Variants in POLK observed in about 807,000 individuals in gnomAD.
POLK encodes the protein DNA polymerase kappa, also known as polymerase (DNA directed) kappa.
POLK carries 76 observed loss-of-function variants against 94.0 expected under a neutral mutation model. That is an observed-to-expected ratio of 0.81 (90% confidence interval 0.67 to 0.98). POLK has a LOEUF of 0.98. Among genes scored for constraint, POLK ranks in the 50% least tolerant of loss-of-function variants. The pLI is 0.00. For synonymous variants in POLK, 349 were observed against 325.4 expected (o/e 1.07, Z -0.78); for missense variants, 954 against 1,010.1 (o/e 0.94, Z 0.75).
In POLK at chr5:75,511,945, C is replaced by T. The variant is rs10060056; in HGVS notation, c.-14+31C>T. 6,211 of 878,246 alleles carry T rather than the reference C, an allele frequency of 7.1e-3. 32 individuals are homozygous for T. The highest frequency in any genetic ancestry group is 8.8e-3 in the South Asian group (495 of 56,556). The allele number at this position is 878,246 out of a possible 1,614,324, so 54.4% of individuals were successfully genotyped here. A position where few individuals can be genotyped will look rare whatever the true frequency, so the allele number is the denominator to read the frequency against. On this transcript the variant is annotated intron_variant, in intron 1 of 14. Transcript: ENST00000241436. Reference sequence around the variant, plus strand: ...TATCCCGCGCGGGGATCGCTTGTCCCCTTGGGGCCTTGTCAGTCGGTGGGT... The same window carrying T: ...TATCCCGCGCGGGGATCGCTTGTCCTCTTGGGGCCTTGTCAGTCGGTGGGT...
At chr5:75,524,762 C>T (rs1768750024) in intron 1 of POLK, among the ~76,000 whole-genome samples, 1 of 152,154 alleles carries the variant, frequency 6.6e-6, no homozygotes, top group South Asian at 2.1e-4. Context: ...CACAGTAAGG[C>T]ATAACTAATG....
chr5:75,512,549 G>A (rs1768096185), intron 1 of POLK: 1 of 152,122 alleles, frequency 6.6e-6, no homozygotes, highest in South Asian at 2.1e-4. Flanking sequence ...GAAGTGCAGT[G>A]GTTTTGTGTG....
At chr5:75,546,709 A>T (rs1446717056) in intron 1 of POLK, among the ~76,000 whole-genome samples, 1 of 141,056 alleles carries the variant, frequency 7.1e-6, no homozygotes, top group Non-Finnish European at 1.5e-5. Context: ...TCTGTCCCCC[A>T]GGCTGGAGTG....
exon 9 of POLK, chr5:75,584,802 C>A: frequency 1.9e-6 from 3 of 1,585,616 alleles, no homozygotes; most frequent in Non-Finnish European, 1.7e-6. Context: ...GTTAAAGGCC[C>A]TTGGAATTAT....
intron 3 of POLK, among the ~76,000 whole-genome samples, chr5:75,557,404 A>G (rs1455336652): frequency 6.6e-6 from 1 of 152,222 alleles, no homozygotes; most frequent in Non-Finnish European, 1.5e-5. Context: ...CATTGAGTGT[A>G]TAGATGAAGT....
chr5:75,544,210 T>G (rs1422400866), intron 1 of POLK, among the ~76,000 whole-genome samples: 2 of 152,184 alleles, frequency 1.3e-5, no homozygotes, highest in Non-Finnish European at 2.9e-5. Flanking sequence ...TCTTTTCCTT[T>G]TATACATTTC....
At chr5:75,552,659 C>A in intron 3 of POLK, 68 bp downstream of exon 3, 1 of 1,358,698 alleles carries the variant, frequency 7.4e-7, no homozygotes, top group South Asian at 1.4e-5. Context: ...AATGTATTGT[C>A]AAGTCATAAC....
intron 1 of POLK, among the ~76,000 whole-genome samples, chr5:75,519,687 T>C (rs1768480151): frequency 6.6e-6 from 1 of 152,242 alleles, no homozygotes; most frequent in Non-Finnish European, 1.5e-5. Flanking sequence ...TCTGATATGT[T>C]AGCTACTCCT....
intron 4 of POLK, among the ~76,000 whole-genome samples, chr5:75,572,637 A>T (rs1771653639): frequency 6.6e-6 from 1 of 152,174 alleles, no homozygotes; most frequent in Non-Finnish European, 1.5e-5. Context: ...AGTTGGTAGA[A>T]ATATAAGAAA....
At chr5:75,600,594 A>T (rs1773275147) in exon 15 of POLK, 2 of 152,160 alleles carry the variant, frequency 1.3e-5, no homozygotes, top group Non-Finnish European at 2.9e-5. Flanking sequence ...CAAGAAAAAA[A>T]TTTTTTAATG....
Position 75,559,523 on chromosome 5 carries a change from G to GTTT in POLK, c.255+6957_255+6959dup, listed in dbSNP as rs775525619. Among the ~76,000 whole-genome samples the GTTT allele has an allele frequency of 7.9e-4, 43 of 54,674 alleles. 7 individuals carry two copies. The highest frequency in any genetic ancestry group is 1.9e-3 in the African/African-American group (26 of 13,638). The allele number at this position is 54,674 out of a possible 152,430, so 35.9% of individuals were successfully genotyped here. On this transcript the variant is annotated intron_variant, in intron 3 of 14. Coordinates refer to ENST00000241436, the Ensembl canonical transcript of POLK. The stretch of plus-strand genomic sequence containing the variant: ...GGGGTTTGTTTTTTTGTTTTGTTTT[G>GTTT]TTTTTTTTTTTTTTTTTTTTTTTTT...
chr5:75,597,186 T>G lies in POLK; in HGVS notation c.2485+8T>G. The G allele has an allele frequency of 7.5e-7, 1 of 1,340,212 alleles. No individual in the cohort carries two copies. Among genetic ancestry groups the G allele is most frequent in the Non-Finnish European group, 1.1e-6 (1 of 942,134 alleles). 83.0% of individuals were successfully genotyped at this position (1,340,212 alleles called of 1,614,324 possible). A position where few individuals can be genotyped will look rare whatever the true frequency, so the allele number is the denominator to read the frequency against. ...AAAGCTCCAGAAGTACTGGTAAGTG[T>G]GTAATTGTTTTAAACTGCATGATTT... On this transcript the variant is annotated splice_region_variant and intron_variant, in intron 13 of 14. Transcript: ENST00000241436.
Position 75,529,776 on chromosome 5 carries a change from T to C in POLK, c.-13-17234T>C, listed in dbSNP as rs1769059393. Among the ~76,000 whole-genome samples, 5 of 152,092 alleles carry C rather than the reference T, an allele frequency of 3.3e-5. No individual in the cohort carries two copies. In the South Asian group the frequency reaches 1.0e-3, roughly 32 times the overall value. On this transcript the variant is annotated intron_variant, in intron 1 of 14. Coordinates refer to ENST00000241436, the Ensembl canonical transcript of POLK. ...AAATGTATACTGGAGTATATAGAGA[T>C]CTTTTAGATTGAAATAGTATAAAAA...
At chr5:75,556,175 G>A (rs1770609845) in intron 3 of POLK, among the ~76,000 whole-genome samples, 1 of 152,152 alleles carries the variant, frequency 6.6e-6, no homozygotes, top group African/African-American at 2.4e-5. Context: ...GCCCTCATTT[G>A]GTGTTGTCAG....
intron 11 of POLK, among the ~76,000 whole-genome samples, chr5:75,592,099 A>ATT (rs545476846): frequency 5.8e-4 from 89 of 152,322 alleles, no homozygotes; most frequent in Middle Eastern, 3.4e-3. Flanking sequence ...CATTTTAACC[A>ATT]TTTTTAAGTG....
chr5:75,607,335 G>A, the POLK span, among the ~76,000 whole-genome samples: 2 of 152,156 alleles, frequency 1.3e-5, no homozygotes, highest in African/African-American at 4.8e-5. Context: ...GGGCGTGGTG[G>A]CACACACTTG....
chr5:75,530,869 G>A (rs1447051399), intron 1 of POLK, among the ~76,000 whole-genome samples: 16 of 148,158 alleles, frequency 1.1e-4, no homozygotes, highest in Admixed American at 2.7e-4. Context: ...GTGCCGTGGC[G>A]CGATGTCCGC....
chr5:75,554,558 A>G (rs1014147779), intron 3 of POLK, among the ~76,000 whole-genome samples: 10 of 151,962 alleles, frequency 6.6e-5, no homozygotes, highest in African/African-American at 2.4e-4. Flanking sequence ...ATATAAATAA[A>G]CTGGTGTCGT....
At chr5:75,539,164 TTAAAAGAA>T (rs1352655601) in intron 1 of POLK, among the ~76,000 whole-genome samples, 42 of 152,342 alleles carry the variant, frequency 2.8e-4, no homozygotes, top group Admixed American at 4.6e-4. Context: ...CATTGTGCTC[TTAAAAGAA>T]TAAAAGATTA....
Sources: allele counts gnomAD v4.1 joint callset (sites outside exome capture counted in the v4.1 genomes callset), GRCh38; gene constraint gnomAD v4.1.1; transcripts MANE v1.5; gene names NCBI Gene and HGNC (gene_info 2026-07-23, HGNC 2026-07-21).